The following RBFOX1 variants were observed in gnomAD, a reference collection of about 807,000 sequenced individuals.
The protein encoded by RBFOX1 is RNA binding fox-1 homolog 1, also known as RNA binding protein fox-1 homolog 1.
Under a neutral mutation model 57.7 loss-of-function variants are expected in RBFOX1, and 8 were observed. The ratio of observed to expected loss-of-function variants is 0.14; its 90% CI spans 0.08 to 0.25. The LOEUF (loss-of-function observed/expected upper bound fraction) is 0.25. Ranked by LOEUF, RBFOX1 falls within the 10% of genes least tolerant of loss-of-function variation. The pLI is 1.00. For missense variants in RBFOX1, 611 were observed against 548.5 expected (o/e 1.11, Z -1.14); for synonymous variants, 326 against 222.4 (o/e 1.47, Z -4.15).
intron 1 of RBFOX1, among the ~76,000 whole-genome samples, chr16:5,254,809 G>T (rs7201286): frequency 0.3 from 45,475 of 152,002 alleles, 7,003 homozygotes; most frequent in African/African-American, 0.38. Flanking sequence ...TAATTCAAAG[G>T]CTGGAAGAAG....
intron 1 of RBFOX1, among the ~76,000 whole-genome samples, chr16:6,070,833 C>T (rs1321533881): frequency 6.6e-6 from 1 of 151,112 alleles, no homozygotes; most frequent in Non-Finnish European, 1.5e-5. Flanking sequence ...CCCACACACA[C>T]ATTTGCACTA....
chr16:5,941,650 C>T (rs538834546), intron 4 of RBFOX1, among the ~76,000 whole-genome samples: 1 of 152,178 alleles, frequency 6.6e-6, no homozygotes, highest in African/African-American at 2.4e-5. Context: ...AATTGGAGCA[C>T]ATGGAAGACC....
intron 4 of RBFOX1, among the ~76,000 whole-genome samples, chr16:7,336,158 C>T (rs1479956867): frequency 2.0e-5 from 3 of 152,174 alleles, no homozygotes; most frequent in Non-Finnish European, 2.9e-5. Context: ...CAGTCACTTG[C>T]CCAAGTCAGC....
chr16:6,072,666 G>A (rs1272731159), intron 1 of RBFOX1, among the ~76,000 whole-genome samples: 2 of 151,504 alleles, frequency 1.3e-5, no homozygotes, highest in East Asian at 3.9e-4. Context: ...ATTGTAACAG[G>A]TATGGGGTGG....
chr16:6,683,630 A>T (rs996406447), intron 3 of RBFOX1, among the ~76,000 whole-genome samples: 23 of 152,284 alleles, frequency 1.5e-4, no homozygotes, highest in African/African-American at 5.3e-4. Context: ...TGCATATCCA[A>T]ACTGCATAGA....
intron 1 of RBFOX1, among the ~76,000 whole-genome samples, chr16:5,296,605 T>C (rs935391601): frequency 1.6e-4 from 24 of 151,908 alleles, no homozygotes; most frequent in African/African-American, 5.3e-4. Flanking sequence ...TTGAACATTT[T>C]CCTCCTTTCT....
At chr16:5,956,678 A>ATATT (rs368096576) in intron 4 of RBFOX1, among the ~76,000 whole-genome samples, 25 of 116,480 alleles carry the variant, frequency 2.1e-4, no homozygotes, top group African/African-American at 4.8e-4. Flanking sequence ...ATATATATAT[A>ATATT]TTTTTTTTGA....
chr16:7,476,046 G>A (rs939751936), intron 4 of RBFOX1, among the ~76,000 whole-genome samples: 14 of 152,010 alleles, frequency 9.2e-5, no homozygotes, highest in Admixed American at 2.0e-4. Flanking sequence ...GCTCACTGCA[G>A]CCTCAGCCTC....
intron 3 of RBFOX1, among the ~76,000 whole-genome samples, chr16:5,668,075 A>G (rs968006947): frequency 5.3e-5 from 8 of 152,158 alleles, no homozygotes; most frequent in African/African-American, 1.9e-4. Flanking sequence ...AAGGCCAGGA[A>G]TTCAGGACCA....
At chr16:6,228,882 A>G (rs942430570) in intron 1 of RBFOX1, among the ~76,000 whole-genome samples, 1 of 152,172 alleles carries the variant, frequency 6.6e-6, no homozygotes, top group African/African-American at 2.4e-5. Context: ...ACATGTTTGA[A>G]ATTTTCATGT....
exon 1 of RBFOX1, chr16:5,239,896 C>G: frequency 6.8e-7 from 1 of 1,480,518 alleles, no homozygotes; most frequent in Non-Finnish European, 9.1e-7. Flanking sequence ...CATGGCCAGC[C>G]CTTCCGGCAG....
intron 4 of RBFOX1, among the ~76,000 whole-genome samples, chr16:5,936,895 G>A (rs932395377): frequency 6.6e-6 from 1 of 152,184 alleles, no homozygotes; most frequent in Admixed American, 6.5e-5. Flanking sequence ...GGGACTGGGG[G>A]TGTTGACCAG....
chr16:5,313,476 A>G (rs958008462), intron 1 of RBFOX1, among the ~76,000 whole-genome samples: 3 of 152,158 alleles, frequency 2.0e-5, no homozygotes, highest in Non-Finnish European at 4.4e-5. Context: ...GACCTCCTTA[A>G]TCTGGGACCC....
rs563948834 is a variant in RBFOX1 at position 6,019,772 on chromosome 16, C to T, written c.-347C>T. The stretch of plus-strand genomic sequence containing the variant: ...GCGCTCCAGACCCCCACCCAGTGGC[C>T]GCCAGGGTCCCCGCCTGTCCGGACC... On this transcript the variant is annotated 5_prime_UTR_variant, in exon 1 of 16. Coordinates refer to ENST00000550418, the MANE Select transcript of RBFOX1 (RefSeq NM_018723.4). This position sits in a 1 kb window ranked among gnomAD's most constrained non-coding sequence, Gnocchi z 4.2. 13 of 1,408,882 alleles carry T rather than the reference C, an allele frequency of 9.2e-6. No homozygotes were observed. The Admixed American group carries it at 1.7e-4, about 18-fold the overall frequency. 87.3% of individuals were successfully genotyped at this position (1,408,882 alleles called of 1,614,324 possible).
At chr16:7,394,221 G>A (rs908069357) in intron 4 of RBFOX1, among the ~76,000 whole-genome samples, 4 of 96,528 alleles carry the variant, frequency 4.1e-5, no homozygotes, top group Non-Finnish European at 7.3e-5. Flanking sequence ...GGGCAACAGA[G>A]CAAGACTCCG....
At chr16:6,891,465 T>TAGAGAGAGAGAGAG (rs746798605) in intron 3 of RBFOX1, among the ~76,000 whole-genome samples, 3 of 148,452 alleles carry the variant, frequency 2.0e-5, no homozygotes, top group African/African-American at 7.4e-5. Context: ...ACACACACAC[T>TAGAGAGAGAGAGAG]AGAGAGAGAG....
intron 2 of RBFOX1, among the ~76,000 whole-genome samples, chr16:6,336,182 T>TATATATATATA (rs58185113): frequency 3.8e-4 from 9 of 23,944 alleles, no homozygotes; most frequent in South Asian, 3.4e-3. Context: ...TATATATATA[T>TATATATATATA]TTTTTTTTTT....
At chr16:7,374,769 A>G (rs182342479) in intron 4 of RBFOX1, among the ~76,000 whole-genome samples, 6 of 152,170 alleles carry the variant, frequency 3.9e-5, no homozygotes, top group Non-Finnish European at 7.4e-5. Flanking sequence ...TTTTCACAGC[A>G]TCAAGATATC....
intron 4 of RBFOX1, among the ~76,000 whole-genome samples, chr16:7,167,994 G>A (rs139575337): frequency 6.6e-6 from 1 of 152,086 alleles, no homozygotes; most frequent in Non-Finnish European, 1.5e-5. Context: ...ACAAGGTAAG[G>A]ATTTTTTTTA....
Sources: gnomAD v4.1 joint callset for allele counts (sites outside exome capture counted in the v4.1 genomes callset) on GRCh38, gnomAD v4.1.1 for gene constraint, Gnocchi (gnomAD v3.1) non-coding constraint, MANE v1.5 for transcripts, NCBI Gene and HGNC (gene_info 2026-07-23, HGNC 2026-07-21) for gene names.